The following GCNT2 variants were observed in gnomAD, a reference collection of about 807,000 sequenced individuals.
GCNT2 encodes glucosaminyl (N-acetyl) transferase 2 (I blood group), also known as N-acetyllactosaminide beta-1,6-N-acetylglucosaminyl-transferase.
In GCNT2, 34 loss-of-function variants were observed where a neutral mutation model predicts 34.2. The ratio of observed to expected loss-of-function variants is 1.00; its 90% CI spans 0.76 to 1.32. GCNT2 has a LOEUF of 1.32. Ranked by LOEUF, GCNT2 falls within the 40% of genes most tolerant of loss-of-function variation. The pLI is 0.00. For synonymous variants in GCNT2, 212 were observed against 188.0 expected, an observed-to-expected ratio of 1.13 and a Z score of -1.04; for missense variants, 584 against 489.4, an observed-to-expected ratio of 1.19 and a Z score of -1.82.
intron 4 of GCNT2, among the ~76,000 whole-genome samples, chr6:10,623,213 G>A (rs1766116478): frequency 7.0e-6 from 1 of 143,522 alleles, no homozygotes; most frequent in African/African-American, 2.6e-5. Flanking sequence ...AAGAAATTTT[G>A]GTCCATTCTG....
intron 2 of GCNT2, among the ~76,000 whole-genome samples, 170 bp downstream of exon 2, chr6:10,527,830 C>T (rs1291724216): frequency 6.6e-6 from 1 of 152,018 alleles, no homozygotes; most frequent in African/African-American, 2.4e-5. Context: ...ATTTTATTCT[C>T]ACAATTGACC....
chr6:10,536,650 G>A (rs112151346), intron 3 of GCNT2, among the ~76,000 whole-genome samples: 78 of 151,432 alleles, frequency 5.2e-4, no homozygotes, highest in Non-Finnish European at 8.7e-4. Context: ...TACCGTGCCC[G>A]GTCTCTTGTC....
chr6:10,559,321 T>A (rs1218588096), intron 3 of GCNT2, among the ~76,000 whole-genome samples: 1 of 152,100 alleles, frequency 6.6e-6, no homozygotes, highest in Non-Finnish European at 1.5e-5. Context: ...TCTACATGGG[T>A]AGAGGAGAGA....
chr6:10,605,180 C>T (rs569690423), intron 3 of GCNT2, among the ~76,000 whole-genome samples: 2 of 149,836 alleles, frequency 1.3e-5, no homozygotes, highest in African/African-American at 2.5e-5. Flanking sequence ...TGTTCTCAAC[C>T]TTAACCACAT....
intron 3 of GCNT2, among the ~76,000 whole-genome samples, chr6:10,538,952 A>C (rs1761910713): frequency 6.6e-6 from 1 of 152,096 alleles, no homozygotes; most frequent in Admixed American, 6.5e-5. Context: ...GGAAGCTAAA[A>C]GTAGTTTGAT....
At position 10,592,817 on chromosome 6, in the gene GCNT2, C is replaced by T. The variant is rs554769921; in HGVS notation, c.926-28534C>T. Among the ~76,000 whole-genome samples, 284 of 152,120 alleles carry T rather than the reference C, an allele frequency of 1.9e-3. 1 individual carries two copies. Among genetic ancestry groups the T allele is most frequent in the Non-Finnish European group, 3.1e-3 (210 of 67,990 alleles). ...AGTGCAGTGGTGTGGTCTCGGCTCACACAACCTCTGCCTCCCAGGTTCAAG... is the reference window on the plus strand; with the variant it reads ...AGTGCAGTGGTGTGGTCTCGGCTCATACAACCTCTGCCTCCCAGGTTCAAG... On this transcript the variant is annotated intron_variant, in intron 3 of 4. Transcript: ENST00000495262.
intron 3 of GCNT2, among the ~76,000 whole-genome samples, chr6:10,576,656 T>G (rs1253465481): frequency 6.6e-6 from 1 of 151,630 alleles, no homozygotes; most frequent in East Asian, 1.9e-4. Context: ...AGAGGGCTTT[T>G]CAATAGGACA....
chr6:10,548,543 T>G (rs915199883), intron 3 of GCNT2, among the ~76,000 whole-genome samples: 1 of 152,210 alleles, frequency 6.6e-6, no homozygotes, highest in Non-Finnish European at 1.5e-5. Flanking sequence ...TACCATCCAC[T>G]CCACTTGCCA....
At chr6:10,578,862 G>C (rs1349791032) in intron 3 of GCNT2, among the ~76,000 whole-genome samples, 1 of 152,158 alleles carries the variant, frequency 6.6e-6, no homozygotes, top group Non-Finnish European at 1.5e-5. Flanking sequence ...TTGAGCACTT[G>C]TTTAAGGCAG....
chr6:10,598,376 C>G (rs986820019), intron 3 of GCNT2, among the ~76,000 whole-genome samples: 3 of 152,228 alleles, frequency 2.0e-5, no homozygotes, highest in Non-Finnish European at 4.4e-5. Context: ...TCTCCCCCTT[C>G]TCCCTCTCCA....
chr6:10,529,056 T>TGTC lies in GCNT2; in HGVS notation c.146_148dup (p.Cys49_His50insArg). 6.2e-7 allele frequency: 1 copy of TGTC among 1,614,182 alleles called. No homozygotes were observed. Among genetic ancestry groups the TGTC allele is most frequent in the Non-Finnish European group, 8.5e-7 (1 of 1,180,028 alleles). ...CAATGCTTCACTGTTAGCAGAAGCC[T>TGTC]GTCATCAGATTTTTGAGGGGAAAGT... On this transcript the variant is annotated inframe_insertion, in exon 3 of 5. Transcript: ENST00000495262.
chr6:10,623,895 T>C (rs1285472643), intron 4 of GCNT2, among the ~76,000 whole-genome samples: 1 of 152,206 alleles, frequency 6.6e-6, no homozygotes, highest in Non-Finnish European at 1.5e-5. Flanking sequence ...GTCTGACCCG[T>C]GTATTGTAAG....
chr6:10,585,480 A>C (rs1183130167), intron 3 of GCNT2, among the ~76,000 whole-genome samples: 3 of 152,146 alleles, frequency 2.0e-5, no homozygotes, highest in Non-Finnish European at 4.4e-5. Flanking sequence ...GCTCCTAAGG[A>C]CTGCCAGCAG....
At chr6:10,566,690 A>G (rs1319646250) in intron 3 of GCNT2, among the ~76,000 whole-genome samples, 1 of 152,252 alleles carries the variant, frequency 6.6e-6, no homozygotes, top group Non-Finnish European at 1.5e-5. Context: ...GTTTACACTT[A>G]GCATACCTCG....
At chr6:10,617,832 G>A (rs961273976) in intron 3 of GCNT2, among the ~76,000 whole-genome samples, 20 of 143,304 alleles carry the variant, frequency 1.4e-4, no homozygotes, top group African/African-American at 5.1e-4. Flanking sequence ...TCGGCTCACT[G>A]CAACCTCCAC....
At chr6:10,547,663 TCAAA>T (rs976415468) in intron 3 of GCNT2, among the ~76,000 whole-genome samples, 2 of 152,226 alleles carry the variant, frequency 1.3e-5, no homozygotes, top group Non-Finnish European at 2.9e-5. Context: ...ATCCTGTTTA[TCAAA>T]CAATCACTCT....
intron 3 of GCNT2, among the ~76,000 whole-genome samples, chr6:10,536,991 C>A (rs749895047): frequency 1.3e-5 from 2 of 152,092 alleles, no homozygotes; most frequent in Non-Finnish European, 2.9e-5. Context: ...GTCTCGAACT[C>A]CTGACCTGGT....
intron 1 of GCNT2, among the ~76,000 whole-genome samples, chr6:10,523,557 T>C (rs972337804): frequency 6.6e-6 from 1 of 152,170 alleles, no homozygotes; most frequent in Non-Finnish European, 1.5e-5. Flanking sequence ...CCCCACAGCT[T>C]TCCATCCAGG....
At chr6:10,624,482 C>T (rs572611076) in intron 4 of GCNT2, among the ~76,000 whole-genome samples, 4 of 152,238 alleles carry the variant, frequency 2.6e-5, no homozygotes, top group East Asian at 3.9e-4. Flanking sequence ...AACTGCCCCC[C>T]ACGATTCAAC....
Sources: allele counts gnomAD v4.1 joint callset (sites outside exome capture counted in the v4.1 genomes callset), GRCh38; gene constraint gnomAD v4.1.1; transcripts MANE v1.5; gene names NCBI Gene and HGNC (gene_info 2026-07-23, HGNC 2026-07-21).